Variants in DSCAM observed in about 807,000 individuals in gnomAD.
The protein encoded by DSCAM is cell adhesion molecule DSCAM.
In DSCAM, 47 loss-of-function variants were observed where a neutral mutation model predicts 217.7. The observed-to-expected ratio is 0.22, with a 90% CI of 0.17 to 0.28. The LOEUF (loss-of-function observed/expected upper bound fraction) is 0.28, where lower values mean the gene tolerates loss of function less well. Ranked by LOEUF, DSCAM falls within the 10% of genes least tolerant of loss-of-function variation. The pLI is 1.00. For missense variants in DSCAM, 2,080 were observed against 2,618.3 expected, an observed-to-expected ratio of 0.79 and a Z score of 4.49; for synonymous variants, 1,056 against 1,015.3, an observed-to-expected ratio of 1.04 and a Z score of -0.76.
intron 29 of DSCAM, among the ~76,000 whole-genome samples, chr21:40,053,228 A>T (rs1461871423): frequency 6.6e-6 from 1 of 152,234 alleles, no homozygotes; most frequent in African/African-American, 2.4e-5. Context: ...TTCCTGGCAG[A>T]GAAATAGAGG....
intron 3 of DSCAM, among the ~76,000 whole-genome samples, chr21:40,670,407 G>A (rs186080500): frequency 0.028 from 4,223 of 151,634 alleles, 168 homozygotes; most frequent in African/African-American, 0.088. Flanking sequence ...GTGTGGTGGC[G>A]TGTGCCTGTA....
intron 8 of DSCAM, 129 bp downstream of exon 8, chr21:40,337,972 A>ATTCT (rs145750119): frequency 0.036 from 43,225 of 1,184,960 alleles, 1,573 homozygotes; most frequent in African/African-American, 0.17. Flanking sequence ...GTTCCCTGTC[A>ATTCT]TTCTTCAGCC....
intron 3 of DSCAM, among the ~76,000 whole-genome samples, chr21:40,639,833 T>C (rs572037684): frequency 1.3e-5 from 2 of 152,296 alleles, no homozygotes; most frequent in African/African-American, 4.8e-5. Context: ...ACAAAAATGC[T>C]TTTTCCCTCC....
At chr21:40,702,166 C>T (rs79431301) in intron 2 of DSCAM, among the ~76,000 whole-genome samples, 2 of 152,142 alleles carry the variant, frequency 1.3e-5, no homozygotes, top group Non-Finnish European at 1.5e-5. Flanking sequence ...CCCCCCTTTA[C>T]ATTATGAAAT....
At chr21:40,578,044 A>G (rs2076868962) in intron 3 of DSCAM, among the ~76,000 whole-genome samples, 2 of 152,210 alleles carry the variant, frequency 1.3e-5, no homozygotes, top group South Asian at 4.1e-4. Context: ...GCCTAAAAAC[A>G]GAGTTAGTAA....
intron 11 of DSCAM, among the ~76,000 whole-genome samples, chr21:40,232,787 T>C (rs2091393501): frequency 6.6e-6 from 1 of 152,144 alleles, no homozygotes; most frequent in Admixed American, 6.6e-5. Context: ...AGACAGGTGA[T>C]ACTAAGCAGG....
chr21:40,045,786 G>A (rs1397725706), intron 30 of DSCAM, among the ~76,000 whole-genome samples: 3 of 152,210 alleles, frequency 2.0e-5, no homozygotes, highest in Non-Finnish European at 4.4e-5. Flanking sequence ...AAGTTTCAAA[G>A]GAGCAAAACT....
intron 20 of DSCAM, among the ~76,000 whole-genome samples, chr21:40,116,551 T>G (rs2089972261): frequency 6.6e-6 from 1 of 151,996 alleles, no homozygotes; most frequent in Non-Finnish European, 1.5e-5. Context: ...TCCAAGAACA[T>G]AGAGAGCCTA....
At chr21:40,355,763 A>G (rs186784836) in intron 4 of DSCAM, among the ~76,000 whole-genome samples, 87 of 152,358 alleles carry the variant, frequency 5.7e-4, no homozygotes, top group Non-Finnish European at 1.1e-3. Context: ...TGGCCAAGGA[A>G]TGGATATTCA....
chr21:40,180,447 A>G (rs2090786859), intron 14 of DSCAM, among the ~76,000 whole-genome samples: 3 of 152,214 alleles, frequency 2.0e-5, no homozygotes, highest in Admixed American at 2.0e-4. Flanking sequence ...AGGTGGAAAA[A>G]CATGAAATAC....
At chr21:40,559,786 C>CTTTTTTTTTTTTTTTTTTTTT (rs548599799) in intron 3 of DSCAM, among the ~76,000 whole-genome samples, 2 of 109,410 alleles carry the variant, frequency 1.8e-5, no homozygotes, top group Non-Finnish European at 1.8e-5. Flanking sequence ...AATTTTCTGT[C>CTTTTTTTTTTTTTTTTTTTTT]TTTTTTTTTT....
chr21:40,312,158 A>G lies in DSCAM; in HGVS notation c.1985T>C (p.Met662Thr). 1 of 1,614,074 alleles carries G rather than the reference A, an allele frequency of 6.2e-7. No individual in the cohort carries two copies. Among genetic ancestry groups the G allele is most frequent in the Non-Finnish European group, 8.5e-7 (1 of 1,179,980 alleles). Residue 662 changes from methionine (M) to threonine (T), a missense_variant, in exon 9 of 33, where the codon ATG becomes ACG. Around this residue, in one of 5 missense-constraint regions of DSCAM, gnomAD observed 218 missense variants for 364.1 expected, o/e 0.60. Transcript: ENST00000400454. ...SSLRISNLSL[M>T]HNGNYTCIAR... ...TATGCAGGTGTAATTCCCATTGTGC[A>G]TGAGCGAGAGATTGGAAATCCTCAA...
intron 1 of DSCAM, among the ~76,000 whole-genome samples, chr21:40,787,502 A>G (rs918026015): frequency 6.6e-6 from 1 of 152,296 alleles, no homozygotes; most frequent in South Asian, 2.1e-4. Context: ...TCATAATGTC[A>G]AAACGATTGG....
intron 4 of DSCAM, among the ~76,000 whole-genome samples, chr21:40,355,410 G>A (rs2074681228): frequency 1.3e-5 from 2 of 152,190 alleles, no homozygotes; most frequent in African/African-American, 4.8e-5. Context: ...AACCAGGTGA[G>A]GAAATTGATA....
At chr21:40,262,705 G>A (rs2073469908) in intron 11 of DSCAM, among the ~76,000 whole-genome samples, 1 of 152,262 alleles carries the variant, frequency 6.6e-6, no homozygotes, top group East Asian at 1.9e-4. Flanking sequence ...AACTCAACTT[G>A]GTACCCTACA....
chr21:40,729,937 G>A (rs1252562951), intron 1 of DSCAM, among the ~76,000 whole-genome samples: 2 of 152,120 alleles, frequency 1.3e-5, no homozygotes, highest in African/African-American at 4.8e-5. Flanking sequence ...TGAATTCGCC[G>A]AGTCACAGAA....
chr21:40,683,061 G>A (rs1187466077), intron 3 of DSCAM, among the ~76,000 whole-genome samples: 3 of 152,188 alleles, frequency 2.0e-5, no homozygotes, highest in African/African-American at 7.2e-5. Context: ...GCCAGGATGA[G>A]GCCCCCATCA....
At chr21:40,101,619 C>T (rs528011860) in intron 20 of DSCAM, among the ~76,000 whole-genome samples, 4 of 152,044 alleles carry the variant, frequency 2.6e-5, no homozygotes, top group Non-Finnish European at 5.9e-5. Flanking sequence ...CCTGCTCTAC[C>T]GATGTCATGT....
At position 40,187,916 on chromosome 21, in the gene DSCAM, A is replaced by G. The variant is rs760852853; in HGVS notation, c.2625T>C (p.Arg875=). The G allele has an allele frequency of 6.2e-7, 1 of 1,614,100 alleles. No individual in the cohort carries two copies. Among genetic ancestry groups the G allele is most frequent in the Non-Finnish European group, 8.5e-7 (1 of 1,179,974 alleles). The part of the protein sequence containing the change: ...CHAINSYGED[R]GIIQLTVQEP... ...CTTGCACTGTGAGCTGAATTATTCC[A>G]CGGTCCTCCCCATAAGAATTAATAG... is the stretch of plus-strand genomic sequence containing the variant. The change falls in exon 13 of 33, where the codon CGT becomes CGC. Residue 875 remains arginine (R), a synonymous_variant. Transcript: ENST00000400454.
Sources: gnomAD v4.1 joint callset for allele counts (sites outside exome capture counted in the v4.1 genomes callset) on GRCh38, gnomAD v4.1.1 for gene constraint, gnomAD v4.1.1 regional missense constraint, MANE v1.5 for transcripts, NCBI Gene and HGNC (gene_info 2026-07-23, HGNC 2026-07-21) for gene names.